The following SPATA13 variants were observed in gnomAD, a reference collection of about 807,000 sequenced individuals.
SPATA13 encodes the protein spermatogenesis associated 13.
A neutral mutation model predicts 104.0 loss-of-function variants in SPATA13; 50 were observed. The observed-to-expected ratio is 0.48, with a 90% CI of 0.38 to 0.61. The LOEUF is 0.61. Among genes scored for constraint, SPATA13 ranks in the 20% least tolerant of loss-of-function variants. The pLI is 0.00. For synonymous variants in SPATA13, 606 were observed against 667.5 expected (o/e 0.91, Z 1.42); for missense variants, 1,524 against 1,690.6 (o/e 0.90, Z 1.73).
intron 2 of SPATA13, among the ~76,000 whole-genome samples, chr13:24,246,820 A>G (rs900657033): frequency 2.0e-5 from 3 of 152,140 alleles, no homozygotes; most frequent in African/African-American, 7.2e-5. Context: ...CCGAGATCAC[A>G]CCACTGCACT....
At chr13:24,171,197 C>T (rs1445370857) in intron 1 of SPATA13, among the ~76,000 whole-genome samples, 2 of 152,088 alleles carry the variant, frequency 1.3e-5, no homozygotes, top group Non-Finnish European at 2.9e-5. Context: ...TTTTAGATCC[C>T]CAGGAAATGG....
rs1204224392 is a variant in SPATA13 at position 24,290,632 on chromosome 13, G to A, written c.2848-20G>A. On this transcript the variant is annotated intron_variant, in intron 8 of 12. Transcript: ENST00000382108. Reference sequence around the variant, plus strand: ...CAGAGGCACCCCAGAAGCTGACGAAGCTGTACTTTTCCTTCCCAGCAAGAG... The same window carrying A: ...CAGAGGCACCCCAGAAGCTGACGAAACTGTACTTTTCCTTCCCAGCAAGAG... 6.2e-7 allele frequency: 1 copy of A among 1,604,760 alleles called. No homozygotes were observed. The highest frequency in any genetic ancestry group is 8.5e-7 in the Non-Finnish European group (1 of 1,171,586).
intron 2 of SPATA13, among the ~76,000 whole-genome samples, chr13:23,987,946 CT>C (rs1302233254): frequency 3.0e-3 from 420 of 142,100 alleles, no homozygotes; most frequent in South Asian, 0.014. Context: ...TTTTGTTTCT[CT>C]TTTTTTTTTT....
At chr13:24,110,895 G>C (rs186740262) in intron 3 of SPATA13, among the ~76,000 whole-genome samples, 1 of 152,104 alleles carries the variant, frequency 6.6e-6, no homozygotes, top group South Asian at 2.1e-4. Flanking sequence ...CCATCTCTGC[G>C]CATAGCATAT....
At chr13:24,239,088 T>C (rs1367183032) in intron 2 of SPATA13, among the ~76,000 whole-genome samples, 1 of 152,138 alleles carries the variant, frequency 6.6e-6, no homozygotes, top group Non-Finnish European at 1.5e-5. Context: ...TTAATAAAAG[T>C]ATAGAAGCTT....
At chr13:24,136,497 AAGAAAGTG>A (rs1001057285) in intron 3 of SPATA13, among the ~76,000 whole-genome samples, 7 of 152,004 alleles carry the variant, frequency 4.6e-5, no homozygotes, top group Non-Finnish European at 8.8e-5. Context: ...AGAAGAAAGA[AAGAAAGTG>A]AGAGAGAGGG....
intron 4 of SPATA13, among the ~76,000 whole-genome samples, chr13:24,282,148 G>T (rs1269622968): frequency 2.6e-5 from 4 of 151,870 alleles, no homozygotes; most frequent in African/African-American, 4.9e-5. Flanking sequence ...AGGGGAGCAG[G>T]AGGCTAAGCA....
intron 3 of SPATA13, among the ~76,000 whole-genome samples, chr13:24,077,028 G>A (rs932413524): frequency 9.2e-5 from 14 of 151,934 alleles, no homozygotes; most frequent in African/African-American, 2.9e-4. Flanking sequence ...GTTTCTTAAC[G>A]AGCCAGTTTT....
chr13:24,083,682 C>T (rs1427867700), intron 3 of SPATA13, among the ~76,000 whole-genome samples: 1 of 152,122 alleles, frequency 6.6e-6, no homozygotes, highest in Non-Finnish European at 1.5e-5. Context: ...CTGATTTGCC[C>T]TGAGAGGATT....
chr13:24,116,402 T>G (rs989227339), intron 3 of SPATA13, among the ~76,000 whole-genome samples: 1 of 152,094 alleles, frequency 6.6e-6, no homozygotes, highest in Non-Finnish European at 1.5e-5. Flanking sequence ...GACACAGAAT[T>G]GGGGGACATA....
intron 3 of SPATA13, among the ~76,000 whole-genome samples, chr13:24,043,126 T>C (rs1417096895): frequency 6.6e-6 from 1 of 152,172 alleles, no homozygotes; most frequent in African/African-American, 2.4e-5. Context: ...TTAGGTCACA[T>C]AGAGGAACAT....
At chr13:24,255,088 C>T (rs1430846277) in intron 4 of SPATA13, among the ~76,000 whole-genome samples, 1 of 152,182 alleles carries the variant, frequency 6.6e-6, no homozygotes, top group Non-Finnish European at 1.5e-5. Context: ...AGCTCCTAAC[C>T]AGGAGTGCGC....
rs1450647403 is a variant in SPATA13 at position 24,133,600 on chromosome 13, T to C, written c.-111-89219T>C. ...CTAGAGACAGGCAACAGGTGGTAGG[T>C]AGGCGTAAAGGTGTGTGTGGGATGG... is the stretch of plus-strand genomic sequence containing the variant. On this transcript the variant is annotated intron_variant, in intron 3 of 14. Coordinates refer to the SPATA13 transcript ENST00000424834. 3.3e-5 allele frequency among the ~76,000 whole-genome samples: 5 copies of C among 151,904 alleles called. 1 individual carries two copies. The highest frequency in any genetic ancestry group is 1.2e-4 in the African/African-American group (5 of 41,340).
At chr13:24,028,538 C>G (rs914492755) in intron 3 of SPATA13, among the ~76,000 whole-genome samples, 1 of 152,116 alleles carries the variant, frequency 6.6e-6, no homozygotes. Context: ...GCTTTGAAAT[C>G]TTTTTTTGAC....
At position 23,984,276 on chromosome 13, in the gene SPATA13, C is replaced by G. The variant is rs549067545; in HGVS notation, c.-147+343C>G. On this transcript the variant is annotated intron_variant, in intron 2 of 14. Transcript: ENST00000424834. ...AAGAAGGTTCCAGAGTCTTCTGCCA[C>G]AGAAGTTTCGGTATTCACCAGTCAT... Among the ~76,000 whole-genome samples the G allele has an allele frequency of 7.9e-5, 12 of 152,330 alleles. No homozygotes were observed. In the South Asian group the frequency reaches 2.5e-3, roughly 32 times the overall value.
rs550097189 is a variant in SPATA13, at chr13:24,223,178, G to A, written c.249G>A (p.Thr83=). ...TCTTTTCCACCAGTCGGAAGAGGACGGGTGCCCACCCCGAGCGGCCCCACT... is the reference window on the plus strand; with the variant it reads ...TCTTTTCCACCAGTCGGAAGAGGACAGGTGCCCACCCCGAGCGGCCCCACT... ...VRLFSTSRKR[T]GAHPERPHSM... is the part of the protein sequence containing the mutation. Residue 83 remains threonine (T), a synonymous_variant, in exon 2 of 13, where the codon ACG becomes ACA. Transcript: ENST00000382108. 30 of 1,551,678 alleles carry A rather than the reference G, an allele frequency of 1.9e-5. No individual in the cohort carries two copies. In the East Asian group the frequency reaches 5.1e-4, roughly 27 times the overall value.
chr13:24,090,542 A>G (rs947303921), intron 3 of SPATA13, among the ~76,000 whole-genome samples: 3 of 151,792 alleles, frequency 2.0e-5, no homozygotes, highest in African/African-American at 7.3e-5. Flanking sequence ...CCCCCATCCA[A>G]TCCACCACGT....
Position 24,035,177 on chromosome 13 carries a change from A to G in SPATA13, c.-112+17476A>G, listed in dbSNP as rs1475119148. Reference sequence around the variant, plus strand: ...ATATGTTTTTGTTTTGTTTTTTGAGACAGTCTCACTCTTGTCGCCCAGGCT... The same window carrying G: ...ATATGTTTTTGTTTTGTTTTTTGAGGCAGTCTCACTCTTGTCGCCCAGGCT... On this transcript the variant is annotated intron_variant, in intron 3 of 14. Coordinates refer to the SPATA13 transcript ENST00000424834. The G allele has an allele frequency of 2.0e-5, 3 of 152,282 alleles. No homozygotes were observed. In the East Asian group the frequency reaches 5.8e-4, roughly 29 times the overall value. The allele number at this position is 152,282 out of a possible 1,614,324, so 9.4% of individuals were successfully genotyped here. A position where few individuals can be genotyped will look rare whatever the true frequency, so the allele number is the denominator to read the frequency against.
chr13:24,138,315 A>AAC (rs1555263885), intron 3 of SPATA13, among the ~76,000 whole-genome samples: 17 of 82,396 alleles, frequency 2.1e-4, no homozygotes, highest in South Asian at 4.2e-4. Flanking sequence ...GAAAAAAAAA[A>AAC]AAAAAACAGT....
Sources: allele counts gnomAD v4.1 joint callset (sites outside exome capture counted in the v4.1 genomes callset), GRCh38; gene constraint gnomAD v4.1.1; transcripts MANE v1.5; gene names NCBI Gene and HGNC (gene_info 2026-07-23, HGNC 2026-07-21).